The following OLFM3 variants were observed in gnomAD, a reference collection of about 807,000 sequenced individuals.
OLFM3 encodes olfactomedin 3, also known as noelin-3.
A neutral mutation model predicts 48.6 loss-of-function variants in OLFM3; 20 were observed. That is an observed-to-expected ratio of 0.41 (90% CI 0.29 to 0.60). The LOEUF is 0.60. Ranked by LOEUF, OLFM3 falls within the 20% of genes least tolerant of loss-of-function variation. The probability of loss-of-function intolerance (pLI) is 0.28; values close to 1 mark genes in which losing one functional copy is unlikely to be tolerated. For synonymous variants in OLFM3, 222 were observed against 198.1 expected (o/e 1.12, Z -1.01); for missense variants, 437 against 544.3 (o/e 0.80, Z 1.96).
rs1025044115 is a variant in OLFM3, at chr1:101,809,044, G to T, written c.593-2862C>A. 1.6e-4 allele frequency among the ~76,000 whole-genome samples: 24 copies of T among 151,118 alleles called. No individual in the cohort carries two copies. The East Asian group carries it at 3.7e-3, about 23-fold the overall frequency. On this transcript the variant is annotated intron_variant, in intron 4 of 5. Coordinates refer to ENST00000370103, the MANE Select transcript of OLFM3 (RefSeq NM_058170.4). ...GAGTTATCTCCAAAATAAAGCAAAA[G>T]AGATAAAAATGAAAATAAGAGAAAA... is the stretch of plus-strand genomic sequence containing the variant.
At chr1:101,961,244 A>G (rs1180925668) in intron 1 of OLFM3, among the ~76,000 whole-genome samples, 10 of 152,078 alleles carry the variant, frequency 6.6e-5, no homozygotes, top group Non-Finnish European at 1.5e-4. Context: ...GCTGAAAGAG[A>G]AACTAATTTG....
intron 1 of OLFM3, among the ~76,000 whole-genome samples, chr1:101,892,653 A>T (rs1658048696): frequency 6.6e-6 from 1 of 151,962 alleles, no homozygotes. Context: ...AAGAAACTAC[A>T]TGATTTTCCT....
chr1:101,957,698 C>G (rs1430123859), intron 1 of OLFM3, among the ~76,000 whole-genome samples: 1 of 151,996 alleles, frequency 6.6e-6, no homozygotes, highest in Non-Finnish European at 1.5e-5. Context: ...AGTGAGGTCT[C>G]TCTGGGAAGA....
chr1:101,946,326 C>T (rs963102061), intron 1 of OLFM3, among the ~76,000 whole-genome samples: 2 of 152,076 alleles, frequency 1.3e-5, no homozygotes, highest in African/African-American at 2.4e-5. Context: ...TTGAGTATCA[C>T]GAGAATCCTT....
intron 1 of OLFM3, among the ~76,000 whole-genome samples, chr1:101,861,305 G>T (rs925304567): frequency 4.6e-5 from 7 of 151,124 alleles, no homozygotes; most frequent in Admixed American, 1.3e-4. Flanking sequence ...CAAGTGATTT[G>T]GCCGCCCCGG....
chr1:101,804,340 G>A lies in OLFM3; in HGVS notation c.1275C>T (p.Asp425=). The A allele has an allele frequency of 6.2e-7, 1 of 1,612,324 alleles. No individual in the cohort carries two copies. The highest frequency in any genetic ancestry group is 8.5e-7 in the Non-Finnish European group (1 of 1,178,842). Residue 425 remains aspartate (D), a synonymous_variant, in exon 6 of 6, where the codon GAC becomes GAT. Coordinates refer to ENST00000370103, the MANE Select transcript of OLFM3 (RefSeq NM_058170.4). This position sits in a 1 kb window ranked among gnomAD's most constrained non-coding sequence, Gnocchi z 4.5. ...AGAGAGCTCGATCTCTTGCATTGTA[G>A]TCAAGCATGGATATGTGAAAGTATT... The part of the protein sequence containing the change: ...HNQYFHISML[D]YNARDRALYA...
At chr1:101,967,399 A>G (rs576570407) in intron 1 of OLFM3, among the ~76,000 whole-genome samples, 1 of 152,248 alleles carries the variant, frequency 6.6e-6, no homozygotes, top group Admixed American at 6.5e-5. Flanking sequence ...TAGCAAAAAA[A>G]GAAAAAAAGT....
chr1:101,928,135 T>C (rs894493798), intron 1 of OLFM3, among the ~76,000 whole-genome samples: 2 of 152,146 alleles, frequency 1.3e-5, no homozygotes, highest in African/African-American at 4.8e-5. Context: ...GCAACTAATT[T>C]ACAAGCTGTC....
chr1:101,831,881 G>C (rs1006156603), intron 2 of OLFM3, among the ~76,000 whole-genome samples: 1 of 152,168 alleles, frequency 6.6e-6, no homozygotes, highest in Admixed American at 6.5e-5. Flanking sequence ...CATAAAATTT[G>C]ATCTTTTTTG....
chr1:101,833,801 G>A (rs751961739), intron 2 of OLFM3, among the ~76,000 whole-genome samples: 1 of 151,870 alleles, frequency 6.6e-6, no homozygotes, highest in South Asian at 2.1e-4. Flanking sequence ...CATATAAACC[G>A]ATTTCTTGAC....
At chr1:101,873,551 TG>T (rs1469125590) in intron 1 of OLFM3, among the ~76,000 whole-genome samples, 1 of 151,880 alleles carries the variant, frequency 6.6e-6, no homozygotes, top group Non-Finnish European at 1.5e-5. Flanking sequence ...TGTAACTGGC[TG>T]GGGCCCAGGT....
At chr1:101,877,106 T>G (rs1657331928) in intron 1 of OLFM3, among the ~76,000 whole-genome samples, 2 of 151,828 alleles carry the variant, frequency 1.3e-5, no homozygotes, top group Admixed American at 1.3e-4. Flanking sequence ...TAAAGTGGTA[T>G]GTAAATATGC....
rs532533643 is a variant in OLFM3 at position 101,820,092 on chromosome 1, A to C, written c.592+4934T>G. Among the ~76,000 whole-genome samples the C allele has an allele frequency of 3.2e-4, 48 of 152,158 alleles. 1 individual carries two copies. Among genetic ancestry groups the C allele is most frequent in the Non-Finnish European group, 2.5e-4 (17 of 68,002 alleles). ...AAGTGCCAGCACACATTAGAGAGTC[A>C]ATAAATAATTGTTAAATTAAAATAT... On this transcript the variant is annotated intron_variant, in intron 4 of 5. Coordinates refer to ENST00000370103, the MANE Select transcript of OLFM3 (RefSeq NM_058170.4).
At chr1:101,806,491 T>A (rs1272365167) in intron 4 of OLFM3, among the ~76,000 whole-genome samples, 1 of 151,772 alleles carries the variant, frequency 6.6e-6, no homozygotes, top group African/African-American at 2.4e-5. Context: ...GGCTGCTACT[T>A]TTAAGTAAAA....
At chr1:101,925,360 C>A (rs1189182645) in intron 1 of OLFM3, among the ~76,000 whole-genome samples, 2 of 151,716 alleles carry the variant, frequency 1.3e-5, no homozygotes, top group Non-Finnish European at 2.9e-5. Context: ...CTTTAAGAAG[C>A]AGTATCATAC....
At chr1:101,952,457 T>C (rs2101073001) in intron 1 of OLFM3, among the ~76,000 whole-genome samples, 1 of 152,236 alleles carries the variant, frequency 6.6e-6, no homozygotes, top group African/African-American at 2.4e-5. Flanking sequence ...AGATGGTATA[T>C]ATAATGACTA....
At chr1:101,877,711 G>A (rs929251993) in intron 1 of OLFM3, among the ~76,000 whole-genome samples, 2 of 151,372 alleles carry the variant, frequency 1.3e-5, no homozygotes, top group African/African-American at 4.8e-5. Context: ...ATTTTAGTAT[G>A]TACGATCTTA....
At chr1:101,995,877 T>C (rs1190368685) in intron 1 of OLFM3, among the ~76,000 whole-genome samples, 1 of 152,238 alleles carries the variant, frequency 6.6e-6, no homozygotes, top group African/African-American at 2.4e-5. Context: ...GGCTTATCTC[T>C]TATTCCCTGT....
At chr1:101,888,351 CT>C (rs1392240008) in intron 1 of OLFM3, among the ~76,000 whole-genome samples, 9 of 152,150 alleles carry the variant, frequency 5.9e-5, no homozygotes, top group Admixed American at 5.9e-4. Flanking sequence ...CATCACACAT[CT>C]ACAACCATCT....
Sources: allele counts gnomAD v4.1 joint callset (sites outside exome capture counted in the v4.1 genomes callset), GRCh38; gene constraint gnomAD v4.1.1; non-coding constraint Gnocchi (gnomAD v3.1); transcripts MANE v1.5; gene names NCBI Gene and HGNC (gene_info 2026-07-23, HGNC 2026-07-21).